ZAR1: variants seen among roughly 807,000 people sequenced by gnomAD.
ZAR1 encodes the protein zygote arrest 1, also known as zygote arrest protein 1.
In ZAR1, 37 loss-of-function variants were observed where a neutral mutation model predicts 38.3. That is an observed-to-expected ratio of 0.97 (90% CI 0.74 to 1.27). The LOEUF (loss-of-function observed/expected upper bound fraction) is 1.27. ZAR1 is among the 50% of genes most tolerant of loss of function. ZAR1 has a pLI of 0.00. For missense variants in ZAR1, 651 were observed against 632.4 expected (o/e 1.03, Z -0.32); for synonymous variants, 336 against 292.0 (o/e 1.15, Z -1.53).
intron 1 of ZAR1, among the ~76,000 whole-genome samples, chr4:48,491,820 C>A (rs935706853): frequency 6.6e-6 from 1 of 152,238 alleles, no homozygotes; most frequent in African/African-American, 2.4e-5. Flanking sequence ...ACTCAGAAAT[C>A]CAATACTGCG....
chr4:48,491,227 G>A lies in ZAR1; in HGVS notation c.936G>A (p.Glu312=). Residue 312 remains glutamate, a synonymous_variant, in exon 1 of 4, where the codon GAG becomes GAA. Coordinates refer to ENST00000327939, the MANE Select transcript of ZAR1 (RefSeq NM_175619.3). ...AGEGPSPRSP[E]LGKERLRFQF... is the part of the protein sequence containing the mutation. ...AGGGGCCGTCGCCACGGAGCCCGGA[G>A]CTGGGCAAGGAGCGGCTGCGCTTCC... 2 of 1,232,704 alleles carry A rather than the reference G, an allele frequency of 1.6e-6. No individual in the cohort carries two copies. The highest frequency in any genetic ancestry group is 2.0e-6 in the Non-Finnish European group (2 of 988,104). The allele number at this position is 1,232,704 out of a possible 1,614,324, so 76.4% of individuals were successfully genotyped here.
downstream of ZAR1, chr4:48,494,467 C>T (rs143963745): frequency 3.5e-4 from 191 of 544,852 alleles, 1 homozygote; most frequent in African/African-American, 3.5e-3. Flanking sequence ...CTGGGCCTGT[C>T]ACTTCACCTT....
At position 48,490,378 on chromosome 4, in the gene ZAR1, C is replaced by T. The variant is rs751766789; in HGVS notation, c.87C>T (p.Ala29=). The T allele has an allele frequency of 6.6e-7, 1 of 1,503,896 alleles. No homozygotes were observed. The highest frequency in any genetic ancestry group is 8.8e-7 in the Non-Finnish European group (1 of 1,132,926). 93.2% of individuals were successfully genotyped at this position (1,503,896 alleles called of 1,614,324 possible). The change falls in exon 1 of 4, where the codon GCC becomes GCT. Residue 29 remains alanine, a synonymous_variant. Transcript: ENST00000327939. Reference sequence around the variant, plus strand: ...CGTACCGGTACCCATACCCCGCGGCCACCAAGGGCAAGGGCGCGGCGGGCG... The same window carrying T: ...CGTACCGGTACCCATACCCCGCGGCTACCAAGGGCAAGGGCGCGGCGGGCG... The part of the protein sequence containing the change: ...PCSYRYPYPA[A]TKGKGAAGGS...
chr4:48,494,381 G>A lies in ZAR1; in HGVS notation c.*137G>A. The A allele has an allele frequency of 2.7e-6, 3 of 1,117,924 alleles. No individual in the cohort carries two copies. Among genetic ancestry groups the A allele is most frequent in the Non-Finnish European group, 2.6e-6 (2 of 775,888 alleles). 69.3% of individuals were successfully genotyped at this position (1,117,924 alleles called of 1,614,324 possible). A position where few individuals can be genotyped will look rare whatever the true frequency, so the allele number is the denominator to read the frequency against. On this transcript the variant is annotated 3_prime_UTR_variant, in exon 4 of 4. Coordinates refer to ENST00000327939, the MANE Select transcript of ZAR1 (RefSeq NM_175619.3). ...GAAAAAGCCTTCAAATAAAGGTATT[G>A]CAACACGATTTATACATTGCATAAA...
At chr4:48,493,488 G>T (rs1023083945) in intron 3 of ZAR1, among the ~76,000 whole-genome samples, 1 of 152,198 alleles carries the variant, frequency 6.6e-6, no homozygotes, top group Non-Finnish European at 1.5e-5. Flanking sequence ...TGACTATAAT[G>T]GTAAGCAAGC....
At chr4:48,494,958 A>G (rs1718545701), downstream of ZAR1, among the ~76,000 whole-genome samples, 1 of 152,188 alleles carries the variant, frequency 6.6e-6, no homozygotes. Flanking sequence ...GGCTGTGGGC[A>G]GCTAGCTGCT....
downstream of ZAR1, among the ~76,000 whole-genome samples, chr4:48,495,039 T>C (rs1290160820): frequency 4.6e-5 from 7 of 152,192 alleles, no homozygotes; most frequent in Non-Finnish European, 1.0e-4. Context: ...CTTCTTTTTT[T>C]AAAGTAGGCC....
chr4:48,494,455 G>C, downstream of ZAR1: 1 of 583,238 alleles, frequency 1.7e-6, no homozygotes, highest in Non-Finnish European at 2.9e-6. Context: ...TGTGCTAACA[G>C]TCTGGGCCTG....
At chr4:48,495,776 A>C (rs1379377040), downstream of ZAR1, among the ~76,000 whole-genome samples, 1 of 152,214 alleles carries the variant, frequency 6.6e-6, no homozygotes, top group Admixed American at 6.5e-5. Context: ...AAATGAGTCG[A>C]ATGAGGCAAA....
At chr4:48,495,983 C>T (rs1718588257), downstream of ZAR1, among the ~76,000 whole-genome samples, 1 of 152,142 alleles carries the variant, frequency 6.6e-6, no homozygotes, top group South Asian at 2.1e-4. Flanking sequence ...GCAGGGGCTA[C>T]TCACAGGCAT....
downstream of ZAR1, among the ~76,000 whole-genome samples, chr4:48,497,016 C>T (rs182604509): frequency 1.3e-5 from 2 of 152,098 alleles, no homozygotes; most frequent in African/African-American, 4.8e-5. Flanking sequence ...TGTGTTTTGC[C>T]ACACCCTCTA....
intron 2 of ZAR1, 22 bp from the exon 3 acceptor site, chr4:48,492,916 T>G: frequency 6.2e-7 from 1 of 1,614,180 alleles, no homozygotes; most frequent in Non-Finnish European, 8.5e-7. Context: ...CGATTTTAAG[T>G]TTATCCTCTT....
rs1412731550 is a variant in ZAR1, at chr4:48,490,530, G to C, written c.239G>C (p.Arg80Pro). The C allele has an allele frequency of 2.0e-6, 3 of 1,473,010 alleles. No homozygotes were observed. The highest frequency in any genetic ancestry group is 2.7e-6 in the Non-Finnish European group (3 of 1,121,360). 91.2% of individuals were successfully genotyped at this position (1,473,010 alleles called of 1,614,324 possible). Residue 80 changes from arginine (R) to proline (P), a missense_variant, in exon 1 of 4, where the codon CGG (arginine) becomes CCG (proline). Arg to Pro is a moderately radical substitution (Grantham distance 103, BLOSUM62 -2). Coordinates refer to ENST00000327939, the MANE Select transcript of ZAR1 (RefSeq NM_175619.3). ...TAAEYFDSYQ[R>P]ERLMALLAQV... ...GCCGAGTACTTCGACAGCTACCAGCGGGAGCGGCTCATGGCTCTCCTGGCG... is the reference window on the plus strand; with the variant it reads ...GCCGAGTACTTCGACAGCTACCAGCCGGAGCGGCTCATGGCTCTCCTGGCG...
chr4:48,491,940 G>GA (rs1430093686), intron 1 of ZAR1, among the ~76,000 whole-genome samples: 2 of 152,242 alleles, frequency 1.3e-5, no homozygotes, highest in Non-Finnish European at 2.9e-5. Flanking sequence ...AAAGGCACAA[G>GA]AGGTGGTAAG....
chr4:48,495,863 G>A (rs543683171), downstream of ZAR1, among the ~76,000 whole-genome samples: 1 of 152,300 alleles, frequency 6.6e-6, no homozygotes, highest in Non-Finnish European at 1.5e-5. Flanking sequence ...ACCAGGGGGA[G>A]GCCACAGTGT....
chr4:48,495,127 G>C (rs1718550368), downstream of ZAR1, among the ~76,000 whole-genome samples: 1 of 152,078 alleles, frequency 6.6e-6, no homozygotes, highest in Non-Finnish European at 1.5e-5. Flanking sequence ...TGCTAGTCGG[G>C]ATGCCAGACT....
At chr4:48,492,168 G>C (rs1296424429) in intron 1 of ZAR1, among the ~76,000 whole-genome samples, 1 of 152,190 alleles carries the variant, frequency 6.6e-6, no homozygotes, top group South Asian at 2.1e-4. Flanking sequence ...TGAATTAAGT[G>C]CTCCCCAGAG....
chr4:48,491,829 C>A (rs1197869475), intron 1 of ZAR1, among the ~76,000 whole-genome samples: 2 of 152,208 alleles, frequency 1.3e-5, no homozygotes, highest in Non-Finnish European at 2.9e-5. Flanking sequence ...TCCAATACTG[C>A]GAAAGCATTT....
In ZAR1 at chr4:48,490,504, C is replaced by A; in HGVS notation, c.213C>A (p.Ala71=). Residue 71 remains alanine (A), a synonymous_variant, in exon 1 of 4, where the codon GCC becomes GCA. Coordinates refer to ENST00000327939, the MANE Select transcript of ZAR1 (RefSeq NM_175619.3). ...LSFPGCGRLT[A]AEYFDSYQRE... ...TCCCGGGCTGCGGGCGGCTGACGGC[C>A]GCCGAGTACTTCGACAGCTACCAGC... is the stretch of plus-strand genomic sequence containing the variant. 6.8e-7 allele frequency: 1 copy of A among 1,472,522 alleles called. No homozygotes were observed. Among genetic ancestry groups the A allele is most frequent in the East Asian group, 2.9e-5 (1 of 34,190 alleles). 91.2% of individuals were successfully genotyped at this position (1,472,522 alleles called of 1,614,324 possible). A position where few individuals can be genotyped will look rare whatever the true frequency, so the allele number is the denominator to read the frequency against.
Sources: gnomAD v4.1 joint callset for allele counts (sites outside exome capture counted in the v4.1 genomes callset) on GRCh38, gnomAD v4.1.1 for gene constraint, MANE v1.5 for transcripts, NCBI Gene and HGNC (gene_info 2026-07-23, HGNC 2026-07-21) for gene names.